Variants in CCDC39 observed in about 807,000 individuals in gnomAD.
The protein encoded by CCDC39 is coiled-coil domain-containing protein 39.
CCDC39 carries 113 observed loss-of-function variants against 121.0 expected under a neutral mutation model. The observed-to-expected ratio is 0.93, with a 90% confidence interval of 0.80 to 1.09. CCDC39 has a LOEUF of 1.09. Among genes scored for constraint, CCDC39 ranks in the 50% least tolerant of loss-of-function variants. CCDC39 has a pLI of 0.00. For synonymous variants in CCDC39, 349 were observed against 352.2 expected, an observed-to-expected ratio of 0.99 and a Z score of 0.10; for missense variants, 1,063 against 1,074.7, an observed-to-expected ratio of 0.99 and a Z score of 0.15.
chr3:180,641,936 TCTC>T, intron 13 of CCDC39, 54 bp downstream of exon 13: 2 of 1,273,192 alleles, frequency 1.6e-6, no homozygotes, highest in Non-Finnish European at 2.2e-6. Flanking sequence ...GGCAGCTAGT[TCTC>T]CTGACATCAT....
In CCDC39 at chr3:180,651,506, CT is replaced by C; in HGVS notation, c.1061del (p.Glu354GlyfsTer2). ...ARLQKTKNHN[E>X]IIQTKLKEIT... ...TCTCCTTTAATTTTGTTTGTATTAT[CT>C]CATTATGATTTTTAGTTTTTTGTAA... On this transcript the variant is annotated frameshift_variant, in exon 9 of 20. Coordinates refer to ENST00000476379, the MANE Select transcript of CCDC39 (RefSeq NM_181426.2). LOFTEE classifies it high-confidence loss of function. The C allele has an allele frequency of 1.3e-6, 2 of 1,531,674 alleles. 1 individual carries two copies. Among genetic ancestry groups the C allele is most frequent in the Middle Eastern group, 3.4e-4 (2 of 5,942 alleles). The allele number at this position is 1,531,674 out of a possible 1,614,324, so 94.9% of individuals were successfully genotyped here.
At chr3:180,645,886 G>T (rs141974609) in intron 11 of CCDC39, among the ~76,000 whole-genome samples, 1 of 152,036 alleles carries the variant, frequency 6.6e-6, no homozygotes, top group Non-Finnish European at 1.5e-5. Context: ...TAGTTCAAAG[G>T]GGGAAGAATT....
At chr3:180,660,112 T>C (rs1357230905) in intron 4 of CCDC39, among the ~76,000 whole-genome samples, 1 of 152,108 alleles carries the variant, frequency 6.6e-6, no homozygotes, top group African/African-American at 2.4e-5. Context: ...CTAGCTTTAT[T>C]AGTATCACCA....
Position 180,616,623 on chromosome 3 carries a change from T to C in CCDC39, c.2479A>G (p.Lys827Glu). ...TGAAACTGTTTCATTTCACGAAGTTTGATGTCTTGTTCTTCCATTGTTTCA... is the reference window on the plus strand; with the variant it reads ...TGAAACTGTTTCATTTCACGAAGTTCGATGTCTTGTTCTTCCATTGTTTCA... Reference protein sequence around the residue: ...KDETMEEQDIKLREMKQFHKV... With the variant: ...KDETMEEQDIELREMKQFHKV... The change falls in exon 18 of 20, where the codon AAA (lysine) becomes GAA (glutamate). Residue 827 changes from lysine to glutamate, a missense_variant. Physicochemically the swap from Lys to Glu is moderately conservative, Grantham distance 56 (BLOSUM62 1). Transcript: ENST00000476379. 6.3e-7 allele frequency: 1 copy of C among 1,596,010 alleles called. No homozygotes were observed. Among genetic ancestry groups the C allele is most frequent in the Non-Finnish European group, 8.5e-7 (1 of 1,170,728 alleles).
chr3:180,642,232 A>G (rs1355404066), intron 12 of CCDC39, 31 bp from the exon 13 acceptor site: 1 of 1,410,958 alleles, frequency 7.1e-7, no homozygotes, highest in Non-Finnish European at 9.4e-7. Flanking sequence ...TCAAATATTG[A>G]AATTATTTTT....
intron 1 of CCDC39, among the ~76,000 whole-genome samples, chr3:180,676,098 T>C (rs1403156545): frequency 6.6e-6 from 1 of 151,856 alleles, no homozygotes; most frequent in African/African-American, 2.4e-5. Context: ...GGACTTCATG[T>C]CTAAAACACC....
chr3:180,627,976 T>C (rs927746577), intron 14 of CCDC39, among the ~76,000 whole-genome samples: 1 of 152,114 alleles, frequency 6.6e-6, no homozygotes, highest in Non-Finnish European at 1.5e-5. Flanking sequence ...CTTATTAAAA[T>C]GGGAAATTTG....
intron 1 of CCDC39, among the ~76,000 whole-genome samples, chr3:180,664,841 T>C (rs7647648): frequency 0.27 from 39,662 of 149,312 alleles, 6,198 homozygotes; most frequent in African/African-American, 0.43. Context: ...GGATTACAGG[T>C]GCCCACCACT....
chr3:180,667,009 T>C (rs937409787), intron 1 of CCDC39, among the ~76,000 whole-genome samples: 3 of 151,724 alleles, frequency 2.0e-5, no homozygotes, highest in Admixed American at 1.3e-4. Context: ...AAACATGCAA[T>C]GGAAAGATAA....
chr3:180,619,909 T>C lies in CCDC39; in HGVS notation c.2060A>G (p.Lys687Arg), dbSNP rs770888279. 6.2e-7 allele frequency: 1 copy of C among 1,610,522 alleles called. No individual in the cohort carries two copies. Among genetic ancestry groups the C allele is most frequent in the South Asian group, 1.1e-5 (1 of 90,694 alleles). The change falls in exon 15 of 20, where the codon AAA (lysine) becomes AGA (arginine). Residue 687 changes from lysine (K) to arginine (R), a missense_variant. Physicochemically the swap from Lys to Arg is conservative, Grantham distance 26. Coordinates refer to ENST00000476379, the MANE Select transcript of CCDC39 (RefSeq NM_181426.2). ...TAGAGCGTAGATTTCTTTTTCAGCT[T>C]TGTTGATCTTGGCATCCAAACAGTC... ...EGDCLDAKIN[K>R]AEKEIYALEN...
intron 19 of CCDC39, among the ~76,000 whole-genome samples, chr3:180,615,900 T>C (rs1370193951): frequency 1.3e-5 from 2 of 152,206 alleles, no homozygotes; most frequent in African/African-American, 4.8e-5. Context: ...ACAAAAATCA[T>C]ATTCTATATG....
At chr3:180,652,328 T>A (rs2108424861) in intron 7 of CCDC39, 62 bp from the exon 8 acceptor site, 7 of 1,048,518 alleles carry the variant, frequency 6.7e-6, no homozygotes, top group Middle Eastern at 2.9e-4. Flanking sequence ...CTTATTTCAT[T>A]TCTGAGTTTT....
rs1711546017 is a variant in CCDC39, at chr3:180,654,907, A to T, written c.785T>A (p.Val262Asp). 1.3e-6 allele frequency: 2 copies of T among 1,588,420 alleles called. No homozygotes were observed. Among genetic ancestry groups the T allele is most frequent in the Non-Finnish European group, 1.7e-6 (2 of 1,170,908 alleles). ...TTCCAAAAACTTGATCTTTTCTTTA[A>T]CCAAATTTTCTTTTTCTCTCGTTTC... The part of the protein sequence containing the change: ...KQETREKENL[V>D]KEKIKFLESE... Residue 262 changes from valine (V) to aspartate (D), a missense_variant, in exon 7 of 20, where the codon GTT (valine) becomes GAT (aspartate). By Grantham distance (152) the Val-to-Asp change is radical. Coordinates refer to ENST00000476379, the MANE Select transcript of CCDC39 (RefSeq NM_181426.2).
At chr3:180,667,605 A>T (rs1162147714) in intron 1 of CCDC39, among the ~76,000 whole-genome samples, 2 of 152,122 alleles carry the variant, frequency 1.3e-5, no homozygotes, top group Non-Finnish European at 1.5e-5. Context: ...TTAATCAAAA[A>T]ATGTTGTATC....
chr3:180,643,070 C>T (rs1717995273), intron 12 of CCDC39, among the ~76,000 whole-genome samples: 1 of 151,980 alleles, frequency 6.6e-6, no homozygotes, highest in African/African-American at 2.4e-5. Context: ...CGCCATTCTC[C>T]TGCCTCAGCC....
intron 1 of CCDC39, among the ~76,000 whole-genome samples, chr3:180,665,860 A>T (rs1026842027): frequency 7.9e-5 from 12 of 151,930 alleles, no homozygotes; most frequent in Admixed American, 2.6e-4. Context: ...AAAATAATTT[A>T]AAAATAATCT....
rs1242934073 is a variant in CCDC39, at chr3:180,679,397, A to T, written c.-17T>A. On this transcript the variant is annotated 5_prime_UTR_variant, in exon 1 of 20. Coordinates refer to ENST00000476379, the MANE Select transcript of CCDC39 (RefSeq NM_181426.2). The surrounding 1 kb of genome is among the most constrained non-coding windows in gnomAD (Gnocchi z 4.0). ...GCTACTCATGACTGCAAACGGATAG[A>T]GAAGATACAGAGCAAAGATCCGCCT... is the stretch of plus-strand genomic sequence containing the variant. 6.2e-7 allele frequency: 1 copy of T among 1,608,908 alleles called. No homozygotes were observed. Among genetic ancestry groups the T allele is most frequent in the Admixed American group, 1.7e-5 (1 of 60,018 alleles).
At chr3:180,653,872 A>T (rs1385617193) in intron 7 of CCDC39, among the ~76,000 whole-genome samples, 1 of 152,136 alleles carries the variant, frequency 6.6e-6, no homozygotes, top group East Asian at 1.9e-4. Context: ...TAATCTCTTG[A>T]TTATTTTTAA....
At position 180,659,595 on chromosome 3, in the gene CCDC39, G is replaced by A. The variant is rs184123763; in HGVS notation, c.610-15C>T. On this transcript the variant is annotated splice_polypyrimidine_tract_variant and intron_variant, in intron 5 of 19. Transcript: ENST00000476379. ...TCCAATTCTAACTGTCAAACAGAGA[G>A]CAAAGAACATTTCTGTGAATTTAAG... The A allele has an allele frequency of 3.4e-5, 55 of 1,608,008 alleles. No individual in the cohort carries two copies. In the Middle Eastern group the frequency reaches 5.0e-4, roughly 15 times the overall value.
Sources: gnomAD v4.1 joint callset for allele counts (sites outside exome capture counted in the v4.1 genomes callset) on GRCh38, gnomAD v4.1.1 for gene constraint, Gnocchi (gnomAD v3.1) non-coding constraint, MANE v1.5 for transcripts, NCBI Gene and HGNC (gene_info 2026-07-23, HGNC 2026-07-21) for gene names.